PLOD2: variants seen among roughly 807,000 people sequenced by gnomAD.
PLOD2 encodes the protein procollagen-lysine,2-oxoglutarate 5-dioxygenase 2, also known as lysine hydroxylase 2.
In PLOD2, 65 loss-of-function variants were observed where a neutral mutation model predicts 101.0. That is an observed-to-expected ratio of 0.64 (90% CI 0.53 to 0.79). The LOEUF is 0.79. Among genes scored for constraint, PLOD2 ranks in the 30% least tolerant of loss-of-function variants. The pLI is 0.00. For synonymous variants in PLOD2, 314 were observed against 302.9 expected (o/e 1.04, Z -0.38); for missense variants, 909 against 914.6 (o/e 0.99, Z 0.08).
At chr3:146,074,646 T>C (rs957307374) in intron 15 of PLOD2, among the ~76,000 whole-genome samples, 1 of 151,370 alleles carries the variant, frequency 6.6e-6, no homozygotes, top group Non-Finnish European at 1.5e-5. Flanking sequence ...ATCCATAAGA[T>C]TTAAGAACTT....
chr3:146,098,614 G>A (rs993499666), intron 7 of PLOD2, among the ~76,000 whole-genome samples: 1 of 152,020 alleles, frequency 6.6e-6, no homozygotes, highest in Non-Finnish European at 1.5e-5. Flanking sequence ...ACTTAAAATT[G>A]TTAATATTTT....
chr3:146,129,536 A>G (rs1310258668), intron 1 of PLOD2, among the ~76,000 whole-genome samples: 4 of 152,168 alleles, frequency 2.6e-5, no homozygotes, highest in African/African-American at 7.2e-5. Context: ...ATATGTCTGT[A>G]ATAGCATCTA....
In PLOD2 at chr3:146,160,890, T is replaced by A. The variant is rs1051906561; in HGVS notation, c.100A>T (p.Ile34Phe). Reference sequence around the variant, plus strand: ...ACCGCGGGGTGCTCACCTGTGGGGATGCTCGAGGGCTTCTCCGAGTCCGCA... The same window carrying A: ...ACCGCGGGGTGCTCACCTGTGGGGAAGCTCGAGGGCTTCTCCGAGTCCGCA... Reference protein sequence around the residue: ...LGADSEKPSSIPTDKLLVITV... With the variant: ...LGADSEKPSSFPTDKLLVITV... Residue 34 changes from isoleucine (I) to phenylalanine (F), a missense_variant, in exon 1 of 20, where the codon ATC becomes TTC. Physicochemically the swap from Ile to Phe is conservative, Grantham distance 21. Transcript: ENST00000282903. The A allele has an allele frequency of 6.4e-7, 1 of 1,574,160 alleles. No homozygotes were observed. The highest frequency in any genetic ancestry group is 8.6e-7 in the Non-Finnish European group (1 of 1,158,442).
chr3:146,075,441 C>G (rs1270783602), intron 15 of PLOD2, among the ~76,000 whole-genome samples: 2 of 138,682 alleles, frequency 1.4e-5, no homozygotes, highest in Admixed American at 7.6e-5. Flanking sequence ...AAAAAGATGT[C>G]CCTGTAAAAC....
intron 4 of PLOD2, among the ~76,000 whole-genome samples, chr3:146,109,779 T>C (rs1937595566): frequency 6.6e-6 from 1 of 152,220 alleles, no homozygotes; most frequent in African/African-American, 2.4e-5. Flanking sequence ...ATATTTTAAG[T>C]ATACCCAGAC....
chr3:146,104,616 T>C (rs1187562494), intron 5 of PLOD2, among the ~76,000 whole-genome samples: 1 of 152,180 alleles, frequency 6.6e-6, no homozygotes, highest in African/African-American at 2.4e-5. Context: ...GTATCCAATA[T>C]ATACAGTAAA....
chr3:146,112,364 G>A (rs1224240836), intron 3 of PLOD2, among the ~76,000 whole-genome samples: 1 of 152,072 alleles, frequency 6.6e-6, no homozygotes, highest in Non-Finnish European at 1.5e-5. Flanking sequence ...GGATGAAGGT[G>A]GAATCCCATA....
At chr3:146,093,397 T>C (rs1937043209) in intron 7 of PLOD2, among the ~76,000 whole-genome samples, 1 of 152,218 alleles carries the variant, frequency 6.6e-6, no homozygotes, top group Non-Finnish European at 1.5e-5. Context: ...GTAGTCATGA[T>C]ATTAACGACA....
chr3:146,141,335 C>T lies in PLOD2; in HGVS notation c.110-17106G>A, dbSNP rs145892330. Among the ~76,000 whole-genome samples, 876 of 152,144 alleles carry T rather than the reference C, an allele frequency of 5.8e-3. 1 individual carries two copies. The highest frequency in any genetic ancestry group is 0.014 in the African/African-American group (600 of 41,526). ...ACTTAAACTGCATACATTCCCCAGA[C>T]GCAGTTTACAAAATGGATCTAACAC... is the stretch of plus-strand genomic sequence containing the variant. On this transcript the variant is annotated intron_variant, in intron 1 of 19. Transcript: ENST00000282903.
intron 1 of PLOD2, among the ~76,000 whole-genome samples, chr3:146,143,031 T>C (rs1201389792): frequency 6.6e-6 from 1 of 152,120 alleles, no homozygotes; most frequent in East Asian, 1.9e-4. Context: ...TGCTATCGGC[T>C]GACATTTTGC....
chr3:146,135,239 GTTGCTGAAGTTCTCCACA>G (rs1454871469), intron 1 of PLOD2, among the ~76,000 whole-genome samples: 1 of 152,076 alleles, frequency 6.6e-6, no homozygotes, highest in Non-Finnish European at 1.5e-5. Flanking sequence ...CCCCTAACAA[GTTGCTGAAGTTCTCCACA>G]TTGTTCTACG....
In PLOD2 at chr3:146,110,442, A is replaced by T; in HGVS notation, c.345T>A (p.Asp115Glu). The T allele has an allele frequency of 6.2e-7, 1 of 1,609,962 alleles. No individual in the cohort carries two copies. Among genetic ancestry groups the T allele is most frequent in the South Asian group, 1.1e-5 (1 of 90,792 alleles). ...DLVVMFTECF[D>E]VIFAGGPEEV... is the part of the protein sequence containing the mutation. ...CTTCTGGACCACCAGCAAATATGACATCAAAGCTGTTCAATGAGGAAAAAA... is the reference window on the plus strand; with the variant it reads ...CTTCTGGACCACCAGCAAATATGACTTCAAAGCTGTTCAATGAGGAAAAAA... The change falls in exon 4 of 20, where the codon GAT becomes GAA. Residue 115 changes from aspartate to glutamate, a missense_variant. Coordinates refer to ENST00000282903, the MANE Select transcript of PLOD2 (RefSeq NM_182943.3).
chr3:146,116,680 T>C (rs1311138526), intron 3 of PLOD2, among the ~76,000 whole-genome samples: 1 of 152,102 alleles, frequency 6.6e-6, no homozygotes, highest in Admixed American at 6.6e-5. Context: ...AATCCTGTTA[T>C]TTGCAACAAT....
chr3:146,092,875 G>A (rs760931205), intron 7 of PLOD2, among the ~76,000 whole-genome samples: 7 of 152,056 alleles, frequency 4.6e-5, no homozygotes, highest in Non-Finnish European at 7.4e-5. Flanking sequence ...CCCAGTAGTG[G>A]TATGAGCATT....
At chr3:146,102,186 G>A (rs1937409359) in intron 7 of PLOD2, among the ~76,000 whole-genome samples, 1 of 152,076 alleles carries the variant, frequency 6.6e-6, no homozygotes, top group Admixed American at 6.5e-5. Context: ...CAGCTTGATT[G>A]GACCCAAGCA....
Position 146,116,260 on chromosome 3 carries a change from CACAG to C in PLOD2, c.338+4848_338+4851del, listed in dbSNP as rs1240113500. 4.6e-5 allele frequency among the ~76,000 whole-genome samples: 7 copies of C among 152,002 alleles called. 1 individual carries two copies. Among genetic ancestry groups the C allele is most frequent in the Admixed American group, 2.6e-4 (4 of 15,216 alleles). On this transcript the variant is annotated intron_variant, in intron 3 of 19. Coordinates refer to ENST00000282903, the MANE Select transcript of PLOD2 (RefSeq NM_182943.3). Reference sequence around the variant, plus strand: ...AGACACAGACACACAGACACAGACACACAGACACACACACGCACACACACAGTTA... The same window carrying C: ...AGACACAGACACACAGACACAGACACACACACACACGCACACACACAGTTA...
chr3:146,140,740 A>T (rs901076710), intron 1 of PLOD2, among the ~76,000 whole-genome samples: 5 of 152,072 alleles, frequency 3.3e-5, no homozygotes, highest in Non-Finnish European at 5.9e-5. Context: ...AATAATGCAA[A>T]TCATTCTGTC....
chr3:146,122,798 T>C (rs1559860949), intron 2 of PLOD2, among the ~76,000 whole-genome samples: 1 of 152,214 alleles, frequency 6.6e-6, no homozygotes, highest in Non-Finnish European at 1.5e-5. Flanking sequence ...CTACCTTACA[T>C]GGTTCATATA....
At chr3:146,101,936 G>T (rs1449440) in intron 7 of PLOD2, among the ~76,000 whole-genome samples, 76,528 of 151,968 alleles carry the variant, frequency 0.5, 19,344 homozygotes, top group East Asian at 0.56. Flanking sequence ...ACTTCTTTCA[G>T]TTTGATGGAG....
Sources: allele counts gnomAD v4.1 joint callset (sites outside exome capture counted in the v4.1 genomes callset), GRCh38; gene constraint gnomAD v4.1.1; transcripts MANE v1.5; gene names NCBI Gene and HGNC (gene_info 2026-07-23, HGNC 2026-07-21).